Variants in STAB1 observed in about 807,000 individuals in gnomAD.
STAB1 encodes the protein stabilin 1, also known as stabilin-1.
A neutral mutation model predicts 332.4 loss-of-function variants in STAB1; 250 were observed. The observed-to-expected ratio is 0.75, with a 90% CI of 0.68 to 0.84. STAB1 has a LOEUF of 0.84. Among genes scored for constraint, STAB1 ranks in the 40% least tolerant of loss-of-function variants. The pLI is 0.00. For missense variants in STAB1, 3,249 were observed against 3,489.7 expected, an observed-to-expected ratio of 0.93 and a Z score of 1.74; for synonymous variants, 1,475 against 1,390.4, an observed-to-expected ratio of 1.06 and a Z score of -1.35.
intron 27 of STAB1, 35 bp from the exon 28 acceptor site, chr3:52,512,561 T>C (rs770534398): frequency 2.5e-6 from 4 of 1,613,886 alleles, no homozygotes; most frequent in Non-Finnish European, 3.4e-6. Context: ...AATTTGCCCC[T>C]GGTCCTGTGA....
chr3:52,518,394 G>C, intron 46 of STAB1, 35 bp downstream of exon 46: 2 of 1,606,738 alleles, frequency 1.2e-6, no homozygotes, highest in Non-Finnish European at 8.5e-7. Context: ...TGACCTGCAA[G>C]TCCCACCCCT....
chr3:52,515,857 C>T (rs140521315), intron 37 of STAB1, among the ~76,000 whole-genome samples, 186 bp from the exon 38 acceptor site: 3,441 of 152,258 alleles, frequency 0.023, 57 homozygotes, highest in Non-Finnish European at 0.034. Context: ...GTTTCCCCAC[C>T]CTGCCAGAGG....
chr3:52,496,091 C>T (rs184099071), intron 1 of STAB1, among the ~76,000 whole-genome samples: 34 of 152,312 alleles, frequency 2.2e-4, no homozygotes, highest in Middle Eastern at 6.8e-3. Context: ...GTGAGGAACC[C>T]GAAGCCCTAG....
Position 52,521,529 on chromosome 3 carries a change from C to T in STAB1, c.6058+19C>T, listed in dbSNP as rs72947535. The T allele has an allele frequency of 0.011, 17,791 of 1,613,846 alleles. 1,712 individuals are homozygous for T. In the African/African-American group the frequency reaches 0.21, roughly 19 times the overall value. On this transcript the variant is annotated intron_variant, in intron 56 of 68. Transcript: ENST00000321725. ...TGTCAAGGTGGGCCATCCCTGCCTG[C>T]CCCACGGCCCGATTCCTTTGGCCCT...
Position 52,523,701 on chromosome 3 carries a change from C to A in STAB1, c.7340C>A (p.Ala2447Asp). The change falls in exon 66 of 69, where the codon GCC becomes GAC. Residue 2447 changes from alanine to aspartate, a missense_variant. Physicochemically the swap from Ala to Asp is moderately radical, Grantham distance 126. Transcript: ENST00000321725. ...CGTATCATTGTGTGGGACATCATGG[C>A]CTTCAATGGCATCATCCATGCTCTG... is the stretch of plus-strand genomic sequence containing the variant. ...VSRIIVWDIM[A>D]FNGIIHALAS... 6.2e-7 allele frequency: 1 copy of A among 1,610,798 alleles called. No homozygotes were observed. Among genetic ancestry groups the A allele is most frequent in the Non-Finnish European group, 8.5e-7 (1 of 1,178,222 alleles).
chr3:52,501,177 AG>A lies in STAB1; in HGVS notation c.92del (p.Gly31AlafsTer4). ...GCCTGTGGCCCCAGGTGCTGTTCAAAGGCTGTGATGTGAAAACCACGTTTGT... is the reference window on the plus strand; with the variant it reads ...GCCTGTGGCCCCAGGTGCTGTTCAAAGCTGTGATGTGAAAACCACGTTTGT... Reference protein sequence around the residue: ...SFVRGQVLFKGCDVKTTFVTH... With the variant: ...SFVRGQVLFKXCDVKTTFVTH... On this transcript the variant is annotated frameshift_variant, in exon 2 of 69. Transcript: ENST00000321725. LOFTEE classifies it high-confidence loss of function. The A allele has an allele frequency of 6.2e-7, 1 of 1,613,360 alleles. No individual in the cohort carries two copies. Among genetic ancestry groups the A allele is most frequent in the South Asian group, 1.1e-5 (1 of 91,088 alleles).
Position 52,514,433 on chromosome 3 carries a change from T to C in STAB1, c.3615T>C (p.Gly1205=), listed in dbSNP as rs764701626. The change falls in exon 34 of 69, where the codon GGT becomes GGC. Residue 1205 remains glycine, a synonymous_variant. Transcript: ENST00000321725. Reference sequence around the variant, plus strand: ...TCTCCATGGAAACCCTGCGGAAGGGTGGACACCGCAACTCCCTCCTGGGCC... The same window carrying C: ...TCTCCATGGAAACCCTGCGGAAGGGCGGACACCGCAACTCCCTCCTGGGCC... ...EALSMETLRK[G]GHRNSLLGPA... The C allele has an allele frequency of 1.9e-6, 3 of 1,556,592 alleles. No individual in the cohort carries two copies. In the Admixed American group the frequency reaches 5.6e-5, roughly 29 times the overall value.
chr3:52,509,137 G>A, intron 21 of STAB1, 73 bp from the exon 22 acceptor site: 1 of 1,376,512 alleles, frequency 7.3e-7, no homozygotes, highest in Non-Finnish European at 1.0e-6. Context: ...CCCATGAAAG[G>A]AGGGGGTGTT....
In STAB1 at chr3:52,518,867, G is replaced by A. The variant is rs1444457126; in HGVS notation, c.5032G>A (p.Glu1678Lys). 7 of 1,578,698 alleles carry A rather than the reference G, an allele frequency of 4.4e-6. No homozygotes were observed. Among genetic ancestry groups the A allele is most frequent in the South Asian group, 2.3e-5 (2 of 88,392 alleles). ...SGHPLRFSEREGSIYLNDFAR... is the reference protein window; with the variant it reads ...SGHPLRFSERKGSIYLNDFAR... ...GCACCCACTGCGCTTCAGCGAGAGG[G>A]AGGTGAGCCCTGGCCCTGGCCTGCC... The change falls in exon 48 of 69, where the codon GAG becomes AAG. Residue 1678 changes from glutamate (E) to lysine (K), a missense_variant and splice_region_variant. Coordinates refer to ENST00000321725, the MANE Select transcript of STAB1 (RefSeq NM_015136.3).
At position 52,503,743 on chromosome 3, in the gene STAB1, T is replaced by C. The variant is rs986738973; in HGVS notation, c.892-29T>C. 26 of 1,611,960 alleles carry C rather than the reference T, an allele frequency of 1.6e-5. 1 individual carries two copies. The African/African-American group carries it at 1.9e-4, about 12-fold the overall frequency. On this transcript the variant is annotated intron_variant, in intron 8 of 68. Coordinates refer to ENST00000321725, the MANE Select transcript of STAB1 (RefSeq NM_015136.3). ...CAGTGGTTCTTGGGGTTGGACGTGG[T>C]GTTCCCCTCCTGCCCTGTCGGGGGC...
Position 52,501,995 on chromosome 3 carries a change from G to A in STAB1, c.332-11G>A, listed in dbSNP as rs1264802036. 17 of 1,611,488 alleles carry A rather than the reference G, an allele frequency of 1.1e-5. No individual in the cohort carries two copies. Among genetic ancestry groups the A allele is most frequent in the Non-Finnish European group, 1.4e-5 (16 of 1,179,934 alleles). ...TCTGGGCACAGAGCTGAGTACTGTG[G>A]GGGTCCACAGAATGCCCTGGGGGCG... On this transcript the variant is annotated splice_polypyrimidine_tract_variant and intron_variant, in intron 3 of 68. Coordinates refer to ENST00000321725, the MANE Select transcript of STAB1 (RefSeq NM_015136.3).
rs147371406 is a variant in STAB1 at position 52,501,228 on chromosome 3, C to T, written c.141C>T (p.Cys47=). 199 of 1,613,738 alleles carry T rather than the reference C, an allele frequency of 1.2e-4. No individual in the cohort carries two copies. Among genetic ancestry groups the T allele is most frequent in the Admixed American group, 2.8e-4 (17 of 60,026 alleles). Residue 47 remains cysteine (C), a synonymous_variant, in exon 2 of 69, where the codon TGC becomes TGT. Coordinates refer to ENST00000321725, the MANE Select transcript of STAB1 (RefSeq NM_015136.3). ...TCACTCATGTACCCTGCACCTCGTG[C>T]GCGGCCATCAAGAAGCAGACGTGTC... is the stretch of plus-strand genomic sequence containing the variant. ...TFVTHVPCTS[C]AAIKKQTCPS...
At position 52,503,383 on chromosome 3, in the gene STAB1, C is replaced by G. The variant is rs757214938; in HGVS notation, c.734C>G (p.Ala245Gly). 6.2e-7 allele frequency: 1 copy of G among 1,613,456 alleles called. No individual in the cohort carries two copies. The highest frequency in any genetic ancestry group is 1.7e-5 in the Admixed American group (1 of 60,012). ...TGGCCATCACCCTGCTCACTGCTGG[C>G]CCAGTGCTCGGTGAGCCCCAAGGGG... The part of the protein sequence containing the change: ...PCWPSPCSLL[A>G]QCSVSPKGQA... Residue 245 changes from alanine (A) to glycine (G), a missense_variant, in exon 8 of 69, where the codon GCC (alanine) becomes GGC (glycine). By Grantham distance (60) the Ala-to-Gly change is moderately conservative (BLOSUM62 0). Transcript: ENST00000321725.
intron 1 of STAB1, among the ~76,000 whole-genome samples, chr3:52,498,996 G>C (rs1204635766): frequency 6.6e-6 from 1 of 152,232 alleles, no homozygotes; most frequent in Non-Finnish European, 1.5e-5. Flanking sequence ...TGGGGCCCTG[G>C]TATTTGCCAT....
chr3:52,514,221 C>G lies in STAB1; in HGVS notation c.3546+8C>G. 1.2e-6 allele frequency: 2 copies of G among 1,612,776 alleles called. No individual in the cohort carries two copies. The highest frequency in any genetic ancestry group is 1.7e-6 in the Non-Finnish European group (2 of 1,179,872). On this transcript the variant is annotated splice_region_variant and intron_variant, in intron 33 of 68. Transcript: ENST00000321725. The stretch of plus-strand genomic sequence containing the variant: ...GGCAACAGCAGTCACCTGGTGAGGC[C>G]GTGGGGATGGGGCAATGGCAGGGAG...
chr3:52,507,823 G>T (rs934617362), intron 19 of STAB1, 108 bp from the exon 20 acceptor site: 1 of 1,453,234 alleles, frequency 6.9e-7, no homozygotes, highest in South Asian at 1.2e-5. Flanking sequence ...CTGGACCAGG[G>T]TTAGAGTTCT....
At position 52,522,047 on chromosome 3, in the gene STAB1, G is replaced by A. The variant is rs2079090614; in HGVS notation, c.6282G>A (p.Leu2094=). The change falls in exon 59 of 69, where the codon CTG becomes CTA. Residue 2094 remains leucine (L), a synonymous_variant. Coordinates refer to ENST00000321725, the MANE Select transcript of STAB1 (RefSeq NM_015136.3). The stretch of plus-strand genomic sequence containing the variant: ...CCTCCCTGCCCTCAGTGGCAGACCT[G>A]TGCCAGGACGGGCATGGTGGCTGCA... The part of the protein sequence containing the change: ...GDGRVCTVAD[L]CQDGHGGCSE... 1 of 1,613,378 alleles carries A rather than the reference G, an allele frequency of 6.2e-7. No individual in the cohort carries two copies. The highest frequency in any genetic ancestry group is 1.6e-4 in the Middle Eastern group (1 of 6,062).
Position 52,523,990 on chromosome 3 carries a change from C to T in STAB1, c.7515C>T (p.Pro2505=). 6.2e-7 allele frequency: 1 copy of T among 1,612,154 alleles called. No individual in the cohort carries two copies. Among genetic ancestry groups the T allele is most frequent in the Non-Finnish European group, 8.5e-7 (1 of 1,179,876 alleles). The change falls in exon 67 of 69, where the codon CCC becomes CCT. Residue 2505 remains proline (P), a synonymous_variant. Coordinates refer to ENST00000321725, the MANE Select transcript of STAB1 (RefSeq NM_015136.3). ...TCTACCTCCGTGCCCGAGGCAAGCC[C>T]ATGGGCTTTGGCTTCTCTGCCTTCC... ...GALYLRARGK[P]MGFGFSAFQA...
chr3:52,513,359 C>T, intron 30 of STAB1, 118 bp downstream of exon 30: 1 of 973,628 alleles, frequency 1.0e-6, no homozygotes, highest in Non-Finnish European at 1.5e-6. Context: ...TCCCCTCGCC[C>T]TGCCCAGAGC....
Sources: allele counts gnomAD v4.1 joint callset (sites outside exome capture counted in the v4.1 genomes callset), GRCh38; gene constraint gnomAD v4.1.1; transcripts MANE v1.5; gene names NCBI Gene and HGNC (gene_info 2026-07-23, HGNC 2026-07-21).